Variants in ELP4 observed in about 807,000 individuals in gnomAD.
The protein encoded by ELP4 is elongator acetyltransferase complex subunit 4.
In ELP4, 51 loss-of-function variants were observed where a neutral mutation model predicts 48.9. That is an observed-to-expected ratio of 1.04 (90% CI 0.83 to 1.32). The LOEUF (loss-of-function observed/expected upper bound fraction) is 1.32, where lower values mean the gene tolerates loss of function less well. ELP4 is among the 40% of genes most tolerant of loss of function. ELP4 has a pLI of 0.00. For missense variants in ELP4, 519 were observed against 514.6 expected (o/e 1.01, Z -0.08); for synonymous variants, 210 against 189.2 (o/e 1.11, Z -0.90).
intron 9 of ELP4, among the ~76,000 whole-genome samples, chr11:31,722,262 T>C (rs1946978777): frequency 6.6e-6 from 1 of 152,226 alleles, no homozygotes; most frequent in Non-Finnish European, 1.5e-5. Flanking sequence ...TTTATTCTTT[T>C]GTCCAAAACA....
intron 9 of ELP4, chr11:31,652,402 T>A (rs984976122): frequency 1.4e-4 from 21 of 151,816 alleles, no homozygotes; most frequent in Admixed American, 2.6e-4. Flanking sequence ...AAGTAAATGT[T>A]TTAAATGTAG....
chr11:31,632,991 A>G (rs1485686091), intron 7 of ELP4: 1 of 152,218 alleles, frequency 6.6e-6, no homozygotes, highest in South Asian at 2.1e-4. Context: ...AATCTTATAT[A>G]TCTAATACAT....
chr11:31,576,267 G>T (rs149649282), intron 3 of ELP4, among the ~76,000 whole-genome samples: 1 of 152,102 alleles, frequency 6.6e-6, no homozygotes, highest in Non-Finnish European at 1.5e-5. Context: ...TGCACCCAAT[G>T]CAGGAGCACC....
At chr11:31,586,315 A>G (rs1288039309) in intron 3 of ELP4, among the ~76,000 whole-genome samples, 1 of 152,216 alleles carries the variant, frequency 6.6e-6, no homozygotes, top group Non-Finnish European at 1.5e-5. Context: ...TACAAAGACA[A>G]AGTTTTACTT....
At chr11:31,724,102 G>A (rs1455907057) in intron 9 of ELP4, among the ~76,000 whole-genome samples, 2 of 152,164 alleles carry the variant, frequency 1.3e-5, no homozygotes, top group Admixed American at 1.3e-4. Flanking sequence ...CCGAGGTTAT[G>A]TAGCTAATTA....
intron 9 of ELP4, among the ~76,000 whole-genome samples, chr11:31,677,798 A>G (rs1270852289): frequency 6.6e-6 from 1 of 152,178 alleles, no homozygotes; most frequent in Non-Finnish European, 1.5e-5. Flanking sequence ...CCTATTATTA[A>G]TATCTTGCAT....
chr11:31,549,889 A>G (rs1363531570), intron 3 of ELP4, among the ~76,000 whole-genome samples: 3 of 152,216 alleles, frequency 2.0e-5, no homozygotes, highest in Admixed American at 1.3e-4. Flanking sequence ...TCGCAAGAAC[A>G]AAAACCAAAC....
rs7108133 is a variant in ELP4, at chr11:31,539,902, A to G, written c.381+119A>G. 1.5e-4 allele frequency: 109 copies of G among 725,676 alleles called. No individual in the cohort carries two copies. The African/African-American group carries it at 1.8e-3, about 12-fold the overall frequency. 45.0% of individuals were successfully genotyped at this position (725,676 alleles called of 1,614,324 possible). A position where few individuals can be genotyped will look rare whatever the true frequency, so the allele number is the denominator to read the frequency against. ...AAACTATATTTAAATGCATTAACGG[A>G]ACCATACATTTTTTAAAATCTCAGT... On this transcript the variant is annotated intron_variant, in intron 3 of 9. Transcript: ENST00000640961.
At chr11:31,510,985 T>A (rs1467727337) in intron 1 of ELP4, 1 of 152,242 alleles carries the variant, frequency 6.6e-6, no homozygotes, top group Non-Finnish European at 1.5e-5. Context: ...CATTGCTTGT[T>A]CTTGTACTTC....
At chr11:31,545,779 G>A (rs12279150) in intron 3 of ELP4, among the ~76,000 whole-genome samples, 105 of 152,172 alleles carry the variant, frequency 6.9e-4, no homozygotes, top group African/African-American at 2.4e-3. Flanking sequence ...GAGTAACAGC[G>A]GATCTCTCTG....
intron 9 of ELP4, chr11:31,779,614 A>G (rs1948326375): frequency 6.6e-6 from 1 of 152,036 alleles, no homozygotes; most frequent in African/African-American, 2.4e-5. Context: ...CTGCCTTATT[A>G]TGACCCTGGG....
chr11:31,512,777 GCCCCCTGCCCTCCGCC>G, intron 1 of ELP4, among the ~76,000 whole-genome samples: 1 of 150,926 alleles, frequency 6.6e-6, no homozygotes, highest in South Asian at 2.1e-4. Flanking sequence ...TGGCAGAAAT[GCCCCCTGCCCTCCGCC>G]CCCCCTCCCC....
intron 9 of ELP4, among the ~76,000 whole-genome samples, chr11:31,753,426 A>G (rs1316576801): frequency 2.0e-5 from 3 of 152,234 alleles, no homozygotes; most frequent in African/African-American, 7.2e-5. Context: ...GCAAATTAAA[A>G]TAACAACTAT....
intron 9 of ELP4, among the ~76,000 whole-genome samples, chr11:31,732,400 A>G (rs1259332386): frequency 1.3e-5 from 2 of 151,882 alleles, no homozygotes; most frequent in African/African-American, 4.8e-5. Flanking sequence ...TGTTAGCCCC[A>G]TGGTAACCAC....
At chr11:31,575,762 G>C (rs1957264776) in intron 3 of ELP4, among the ~76,000 whole-genome samples, 1 of 152,294 alleles carries the variant, frequency 6.6e-6, no homozygotes, top group Non-Finnish European at 1.5e-5. Flanking sequence ...TTACCACCAG[G>C]CTTGCCTTAC....
chr11:31,594,620 A>G (rs1459139433), intron 3 of ELP4, 150 bp from the exon 4 acceptor site: 3 of 456,146 alleles, frequency 6.6e-6, no homozygotes, highest in Non-Finnish European at 1.1e-5. Context: ...CTGTTTTAGA[A>G]ATGTCTATTT....
At chr11:31,726,304 G>A (rs1222092077) in intron 9 of ELP4, among the ~76,000 whole-genome samples, 1 of 152,120 alleles carries the variant, frequency 6.6e-6, no homozygotes, top group Non-Finnish European at 1.5e-5. Flanking sequence ...GGAAATTTGG[G>A]GAAGTTCACT....
intron 9 of ELP4, among the ~76,000 whole-genome samples, chr11:31,717,188 G>A (rs1264488857): frequency 6.6e-6 from 1 of 152,152 alleles, no homozygotes; most frequent in African/African-American, 2.4e-5. Flanking sequence ...GATAGAATTT[G>A]GGAGTTCCAG....
rs1417052157 is a variant in ELP4, at chr11:31,625,543, G to C, written c.654-1567G>C. Among the ~76,000 whole-genome samples the C allele has an allele frequency of 6.6e-5, 10 of 151,718 alleles. No homozygotes were observed. In the Admixed American group the frequency reaches 6.6e-4, roughly 10 times the overall value. On this transcript the variant is annotated intron_variant, in intron 5 of 9. Coordinates refer to ENST00000640961, the MANE Select transcript of ELP4 (RefSeq NM_019040.5). Reference sequence around the variant, plus strand: ...AAGGACATTATGGCAAATGAAATAAGCCCAACACAGAAAGATGAATATTGC... The same window carrying C: ...AAGGACATTATGGCAAATGAAATAACCCCAACACAGAAAGATGAATATTGC...
Sources: gnomAD v4.1 joint callset for allele counts (sites outside exome capture counted in the v4.1 genomes callset) on GRCh38, gnomAD v4.1.1 for gene constraint, MANE v1.5 for transcripts, NCBI Gene and HGNC (gene_info 2026-07-23, HGNC 2026-07-21) for gene names.